The following SAXO1 variants were observed in gnomAD, a reference collection of about 807,000 sequenced individuals.
The protein encoded by SAXO1 is 4930500O09Rik.
Under a neutral mutation model 17.5 loss-of-function variants are expected in SAXO1, and 21 were observed. That is an observed-to-expected ratio of 1.20 (90% CI 0.85 to 1.72). SAXO1 has a LOEUF of 1.72. Among genes scored for constraint, SAXO1 ranks in the 40% most tolerant of loss-of-function variants. SAXO1 has a pLI of 0.00. For missense variants in SAXO1, 843 were observed against 596.0 expected, an observed-to-expected ratio of 1.41 and a Z score of -4.32; for synonymous variants, 274 against 216.5, an observed-to-expected ratio of 1.27 and a Z score of -2.33.
At chr9:18,959,022 C>G (rs1228112729) in intron 1 of SAXO1, among the ~76,000 whole-genome samples, 1 of 152,010 alleles carries the variant, frequency 6.6e-6, no homozygotes, top group African/African-American at 2.4e-5. Flanking sequence ...TTTGATGCCA[C>G]AGAAAAATCA....
chr9:18,933,785 G>A (rs751674206), intron 3 of SAXO1, among the ~76,000 whole-genome samples: 1 of 152,158 alleles, frequency 6.6e-6, no homozygotes, highest in Non-Finnish European at 1.5e-5. Context: ...GGTGGCTCAC[G>A]CCTGTAATCC....
At chr9:19,013,231 T>C (rs776519502) in intron 1 of SAXO1, among the ~76,000 whole-genome samples, 1 of 152,104 alleles carries the variant, frequency 6.6e-6, no homozygotes, top group Non-Finnish European at 1.5e-5. Context: ...GCATAAGGCA[T>C]AAGGCATGGC....
At chr9:18,973,190 T>C (rs914875738) in intron 1 of SAXO1, among the ~76,000 whole-genome samples, 1 of 152,246 alleles carries the variant, frequency 6.6e-6, no homozygotes, top group African/African-American at 2.4e-5. Flanking sequence ...TTATTGTCAG[T>C]GTTGTACAGG....
chr9:19,020,047 G>A (rs899417666), intron 1 of SAXO1, among the ~76,000 whole-genome samples: 1 of 147,230 alleles, frequency 6.8e-6, no homozygotes, highest in East Asian at 2.0e-4. Flanking sequence ...AAGTGTCCAC[G>A]TGGAAAGCAT....
chr9:18,966,369 G>C (rs1832716539), intron 1 of SAXO1, among the ~76,000 whole-genome samples: 1 of 152,136 alleles, frequency 6.6e-6, no homozygotes, highest in South Asian at 2.1e-4. Context: ...GTCACTTTCA[G>C]GTATACCAAT....
intron 1 of SAXO1, among the ~76,000 whole-genome samples, chr9:19,005,877 T>A (rs745965195): frequency 2.0e-5 from 3 of 152,088 alleles, no homozygotes; most frequent in Non-Finnish European, 4.4e-5. Flanking sequence ...GGGATTAATA[T>A]CCAGAATATG....
chr9:18,962,030 G>C (rs1832506905), intron 1 of SAXO1, among the ~76,000 whole-genome samples: 1 of 152,100 alleles, frequency 6.6e-6, no homozygotes, highest in South Asian at 2.1e-4. Context: ...TGACTGGTGT[G>C]AGATGGTATC....
chr9:19,021,686 C>T (rs1476862461), intron 1 of SAXO1, among the ~76,000 whole-genome samples: 1 of 152,174 alleles, frequency 6.6e-6, no homozygotes, highest in Non-Finnish European at 1.5e-5. Flanking sequence ...AGAGGTGAAG[C>T]CAGCTGAGCT....
At chr9:18,979,658 G>C (rs533651464) in intron 1 of SAXO1, among the ~76,000 whole-genome samples, 1 of 152,322 alleles carries the variant, frequency 6.6e-6, no homozygotes, top group Admixed American at 6.5e-5. Context: ...ATTCCAGCAA[G>C]AGTGTATGGG....
intron 2 of SAXO1, among the ~76,000 whole-genome samples, chr9:18,944,695 C>T (rs1434204355): frequency 6.6e-6 from 1 of 152,150 alleles, no homozygotes. Context: ...GAAGTCATAA[C>T]AACTTGACTT....
At chr9:19,047,756 G>T (rs566093743) in intron 1 of SAXO1, among the ~76,000 whole-genome samples, 5 of 152,126 alleles carry the variant, frequency 3.3e-5, no homozygotes, top group African/African-American at 9.7e-5. Flanking sequence ...TAAAAACAAA[G>T]AAATTTTCAG....
Position 18,981,051 on chromosome 9 carries a change from G to A in SAXO1, c.39-30114C>T, listed in dbSNP as rs145245815. On this transcript the variant is annotated intron_variant, in intron 1 of 3. Transcript: ENST00000380534. ...CCACTAGCCCAATCAATACCTGACAGCAAAGCAGGTGTAAAGTGTTAAACC... is the reference window on the plus strand; with the variant it reads ...CCACTAGCCCAATCAATACCTGACAACAAAGCAGGTGTAAAGTGTTAAACC... Among the ~76,000 whole-genome samples the A allele has an allele frequency of 3.3e-5, 5 of 152,300 alleles. No individual in the cohort carries two copies. The East Asian group carries it at 9.6e-4, about 29-fold the overall frequency.
At chr9:18,991,696 C>T (rs909192376) in intron 1 of SAXO1, among the ~76,000 whole-genome samples, 22 of 152,004 alleles carry the variant, frequency 1.4e-4, no homozygotes, top group Admixed American at 1.4e-3. Context: ...GCACATGTAC[C>T]CTAGAACTTA....
At chr9:19,019,219 C>A (rs60928614) in intron 1 of SAXO1, among the ~76,000 whole-genome samples, 2,732 of 152,284 alleles carry the variant, frequency 0.018, 79 homozygotes, top group African/African-American at 0.06. Context: ...CTGTAGAAGC[C>A]TTTCAAGTCC....
intron 1 of SAXO1, among the ~76,000 whole-genome samples, chr9:19,018,385 G>A (rs540984889): frequency 1.8e-4 from 28 of 152,270 alleles, no homozygotes; most frequent in African/African-American, 6.7e-4. Context: ...GCCATCGTTG[G>A]CAGGAAGGTG....
intron 3 of SAXO1, among the ~76,000 whole-genome samples, chr9:18,940,805 C>A (rs972715758): frequency 6.6e-6 from 1 of 152,190 alleles, no homozygotes; most frequent in Non-Finnish European, 1.5e-5. Context: ...AAGTCAAGGG[C>A]AGGCCATTAT....
In SAXO1 at chr9:18,981,089, T is replaced by C. The variant is rs543413104; in HGVS notation, c.39-30152A>G. On this transcript the variant is annotated intron_variant, in intron 1 of 3. Transcript: ENST00000380534. ...AAAGTGTTAAACCAACTTCAAAGTC[T>C]TTCCAAGGAAACTCTGGAAATAAAC... Among the ~76,000 whole-genome samples, 16 of 152,312 alleles carry C rather than the reference T, an allele frequency of 1.1e-4. No homozygotes were observed. The East Asian group carries it at 3.1e-3, about 29-fold the overall frequency.
intron 1 of SAXO1, among the ~76,000 whole-genome samples, chr9:18,990,608 C>T (rs186012658): frequency 2.0e-5 from 3 of 152,226 alleles, no homozygotes; most frequent in Admixed American, 6.5e-5. Flanking sequence ...GGACCAGTAC[C>T]GATCCGTAGC....
intron 1 of SAXO1, among the ~76,000 whole-genome samples, chr9:18,981,443 C>T (rs1833380746): frequency 6.6e-6 from 1 of 152,174 alleles, no homozygotes; most frequent in African/African-American, 2.4e-5. Flanking sequence ...GACCCTTACC[C>T]CCTTTTCCAG....
Sources: gnomAD v4.1 joint callset for allele counts (sites outside exome capture counted in the v4.1 genomes callset) on GRCh38, gnomAD v4.1.1 for gene constraint, MANE v1.5 for transcripts, NCBI Gene and HGNC (gene_info 2026-07-23, HGNC 2026-07-21) for gene names.